MYH14: variants seen among roughly 807,000 people sequenced by gnomAD.
The protein encoded by MYH14 is myosin-14.
A neutral mutation model predicts 255.5 loss-of-function variants in MYH14; 123 were observed. The observed-to-expected ratio is 0.48, with a 90% CI of 0.42 to 0.56. The LOEUF (loss-of-function observed/expected upper bound fraction) is 0.56, where lower values mean the gene tolerates loss of function less well. MYH14 is among the 20% of genes least tolerant of loss of function. MYH14 has a pLI of 0.00. For synonymous variants in MYH14, 1,095 were observed against 1,161.2 expected, an observed-to-expected ratio of 0.94 and a Z score of 1.16; for missense variants, 2,423 against 2,802.3, an observed-to-expected ratio of 0.86 and a Z score of 3.06.
At position 50,252,111 on chromosome 19, in the gene MYH14, C is replaced by T. The variant is rs550568366; in HGVS notation, c.1831-528C>T. ...TCTTCCCCAGACATACTCCAGAACT[C>T]CCCCTGTACCCAGCCCTCTGCTAGG... On this transcript the variant is annotated intron_variant, in intron 15 of 42. Transcript: ENST00000642316. The surrounding 1 kb of genome is among the most constrained non-coding windows in gnomAD (Gnocchi z 4.2). Among the ~76,000 whole-genome samples, 9 of 152,324 alleles carry T rather than the reference C, an allele frequency of 5.9e-5. 1 individual carries two copies. The highest frequency in any genetic ancestry group is 2.6e-4 in the Admixed American group (4 of 15,308).
At chr19:50,219,755 A>T (rs999286572) in intron 3 of MYH14, among the ~76,000 whole-genome samples, 2 of 150,958 alleles carry the variant, frequency 1.3e-5, no homozygotes, top group African/African-American at 5.0e-5. Context: ...ATGACAACAT[A>T]GATCAGTCCT....
At chr19:50,222,062 C>A (rs1037715342) in intron 3 of MYH14, among the ~76,000 whole-genome samples, 3 of 152,152 alleles carry the variant, frequency 2.0e-5, no homozygotes, top group Admixed American at 1.3e-4. Context: ...TTTAGTAGCA[C>A]CCCGGCCTCT....
At chr19:50,241,765 C>G (rs919120744) in intron 10 of MYH14, among the ~76,000 whole-genome samples, 36 of 152,122 alleles carry the variant, frequency 2.4e-4, no homozygotes, top group Middle Eastern at 3.4e-3. Flanking sequence ...ACCTCAGCCT[C>G]CCGAGTAGCT....
chr19:50,265,275 G>A (rs1241858582), intron 22 of MYH14, among the ~76,000 whole-genome samples: 4 of 151,516 alleles, frequency 2.6e-5, no homozygotes, highest in African/African-American at 9.7e-5. Flanking sequence ...ACTTCGGGAG[G>A]CCAAGGCAGG....
Position 50,309,013 on chromosome 19 carries a change from G to A in MYH14, c.5796G>A (p.Lys1932=). 6.2e-7 allele frequency: 1 copy of A among 1,612,068 alleles called. No homozygotes were observed. Among genetic ancestry groups the A allele is most frequent in the East Asian group, 2.2e-5 (1 of 44,820 alleles). ...CCCCTGCTTCCATCAAGCTGGAGAA[G>A]GGAAACCTTCGAGTCAAGCAGCTGA... ...VADQLRDQLE[K]GNLRVKQLKR... is the part of the protein sequence containing the mutation. Residue 1932 remains lysine, a synonymous_variant, in exon 42 of 43, where the codon AAG becomes AAA. Transcript: ENST00000642316.
In MYH14 at chr19:50,280,426, C is replaced by CT. The variant is rs146379626; in HGVS notation, c.4290+44dup. ...AGACCTTCAGGGAGGCACAGCCCCC[C>CT]TCACTGCTCCTCCTGGGTTCCCCAG... On this transcript the variant is annotated intron_variant, in intron 32 of 42. Transcript: ENST00000642316. The surrounding 1 kb of genome is among the most constrained non-coding windows in gnomAD (Gnocchi z 4.8). 1.7e-3 allele frequency: 2,525 copies of CT among 1,478,098 alleles called. 41 individuals are homozygous for CT. In the African/African-American group the frequency reaches 0.029, roughly 17 times the overall value. The allele number at this position is 1,478,098 out of a possible 1,614,324, so 91.6% of individuals were successfully genotyped here. A position where few individuals can be genotyped will look rare whatever the true frequency, so the allele number is the denominator to read the frequency against.
At position 50,226,922 on chromosome 19, in the gene MYH14, A is replaced by G. The variant is rs760233295; in HGVS notation, c.830A>G (p.Asn277Ser). Residue 277 changes from asparagine (N) to serine (S), a missense_variant, in exon 8 of 43, where the codon AAC becomes AGC. Asn to Ser is a conservative substitution (Grantham distance 46, BLOSUM62 1). This residue lies in a region of MYH14 where 672 missense variants were observed against 881.8 expected (regional missense o/e 0.76). Transcript: ENST00000642316. ...SSRFGKFIRI[N>S]FDVAGYIVGA... ...TCCCAGGGCAAATTCATCCGCATCA[A>G]CTTTGATGTTGCCGGGTACATCGTG... 2.5e-6 allele frequency: 4 copies of G among 1,613,762 alleles called. No homozygotes were observed. The highest frequency in any genetic ancestry group is 2.2e-5 in the East Asian group (1 of 44,874).
intron 39 of MYH14, among the ~76,000 whole-genome samples, chr19:50,296,468 G>T (rs1307271392): frequency 6.6e-6 from 1 of 152,080 alleles, no homozygotes; most frequent in East Asian, 1.9e-4. Context: ...AGCCAGGTGC[G>T]ATGGCGGGCA....
At chr19:50,203,841 G>A (rs2031582736) in intron 1 of MYH14, among the ~76,000 whole-genome samples, 170 bp downstream of exon 1, 1 of 151,730 alleles carries the variant, frequency 6.6e-6, no homozygotes, top group African/African-American at 2.4e-5. Context: ...CGGCGGCGAG[G>A]GAGGTGGGGG....
At chr19:50,287,276 C>T (rs928274173) in intron 34 of MYH14, among the ~76,000 whole-genome samples, 2 of 152,254 alleles carry the variant, frequency 1.3e-5, no homozygotes, top group Non-Finnish European at 2.9e-5. Context: ...TAGACATTCA[C>T]AGAACGTGAG....
At position 50,278,201 on chromosome 19, in the gene MYH14, T is replaced by A; in HGVS notation, c.3944T>A (p.Leu1315Gln). 1 of 1,609,700 alleles carries A rather than the reference T, an allele frequency of 6.2e-7. No individual in the cohort carries two copies. The highest frequency in any genetic ancestry group is 8.5e-7 in the Non-Finnish European group (1 of 1,178,312). Residue 1315 changes from leucine (L) to glutamine (Q), a missense_variant, in exon 30 of 43, where the codon CTG (leucine) becomes CAG (glutamine). Transcript: ENST00000642316. The stretch of plus-strand genomic sequence containing the variant: ...GAGGGTGAGCAGCGGAGGCGCCGCC[T>A]GGAGTTACAGCTGCAGGAGGTGCAG... ...RQEGEQRRRR[L>Q]ELQLQEVQGR...
chr19:50,283,125 A>ATT (rs5828430), intron 33 of MYH14, among the ~76,000 whole-genome samples: 1,513 of 148,770 alleles, frequency 0.01, 28 homozygotes, highest in African/African-American at 0.035. Context: ...ACTCAAAATA[A>ATT]TTTTTTTTTT....
intron 3 of MYH14, among the ~76,000 whole-genome samples, chr19:50,219,758 T>C (rs1374169735): frequency 1.3e-5 from 2 of 151,188 alleles, no homozygotes; most frequent in East Asian, 3.8e-4. Context: ...ACAACATAGA[T>C]CAGTCCTGGC....
In MYH14 at chr19:50,271,454, C is replaced by T. The variant is rs113152264; in HGVS notation, c.3079C>T (p.Leu1027=). 554 of 1,607,850 alleles carry T rather than the reference C, an allele frequency of 3.4e-4. No individual in the cohort carries two copies. In the African/African-American group the frequency reaches 6.5e-3, roughly 19 times the overall value. The change falls in exon 25 of 43, where the codon CTG becomes TTG. Residue 1027 remains leucine, a synonymous_variant. Coordinates refer to ENST00000642316, the MANE Select transcript of MYH14 (RefSeq NM_001145809.2). ...LEAEEGARQK[L]QLEKVTTEAK... ...GGCTGAGGAGGGTGCGCGGCAGAAGCTGCAGCTGGAGAAGGTGACGACAGA... is the reference window on the plus strand; with the variant it reads ...GGCTGAGGAGGGTGCGCGGCAGAAGTTGCAGCTGGAGAAGGTGACGACAGA...
intron 1 of MYH14, among the ~76,000 whole-genome samples, chr19:50,205,720 G>A (rs1362861080): frequency 1.3e-5 from 2 of 152,338 alleles, no homozygotes; most frequent in South Asian, 2.1e-4. Flanking sequence ...CTGGGTCCTG[G>A]GGGAGGAAAG....
intron 9 of MYH14, among the ~76,000 whole-genome samples, chr19:50,231,520 C>T (rs1405375613): frequency 6.6e-6 from 1 of 152,140 alleles, no homozygotes; most frequent in African/African-American, 2.4e-5. Flanking sequence ...CCAGCCTGGG[C>T]AGCATAGTGA....
intron 10 of MYH14, among the ~76,000 whole-genome samples, chr19:50,235,307 A>G (rs1054005166): frequency 1.3e-5 from 2 of 151,772 alleles, no homozygotes; most frequent in Admixed American, 1.3e-4. Flanking sequence ...GCAGTGAGCC[A>G]AGATCTCACC....
chr19:50,260,367 G>A (rs1477595613), intron 19 of MYH14, among the ~76,000 whole-genome samples: 1 of 152,240 alleles, frequency 6.6e-6, no homozygotes, highest in East Asian at 1.9e-4. Context: ...GGAGGTCGCA[G>A]TGAGGCAAGA....
At chr19:50,272,458 T>G (rs2123392726) in intron 26 of MYH14, 102 bp from the exon 27 acceptor site, 112 of 1,236,098 alleles carry the variant, frequency 9.1e-5, no homozygotes, top group Non-Finnish European at 1.2e-4. Flanking sequence ...AGGGAGGTGC[T>G]GAGCTTAGCC....
Sources: gnomAD v4.1 joint callset for allele counts (sites outside exome capture counted in the v4.1 genomes callset) on GRCh38, gnomAD v4.1.1 for gene constraint, gnomAD v4.1.1 regional missense constraint, Gnocchi (gnomAD v3.1) non-coding constraint, MANE v1.5 for transcripts, NCBI Gene and HGNC (gene_info 2026-07-23, HGNC 2026-07-21) for gene names.